The following SCLT1 variants were observed in gnomAD, a reference collection of about 807,000 sequenced individuals.
The protein encoded by SCLT1 is sodium channel-associated protein 1.
In SCLT1, 78 loss-of-function variants were observed where a neutral mutation model predicts 112.8. The ratio of observed to expected loss-of-function variants is 0.69; its 90% CI spans 0.58 to 0.83. The LOEUF is 0.83. Ranked by LOEUF, SCLT1 falls within the 40% of genes least tolerant of loss-of-function variation. The pLI is 0.00. For missense variants in SCLT1, 747 were observed against 770.4 expected, an observed-to-expected ratio of 0.97 and a Z score of 0.36; for synonymous variants, 257 against 254.7, an observed-to-expected ratio of 1.01 and a Z score of -0.09.
At chr4:128,956,486 T>C (rs902319720) in intron 13 of SCLT1, among the ~76,000 whole-genome samples, 7 of 152,048 alleles carry the variant, frequency 4.6e-5, no homozygotes, top group Non-Finnish European at 8.8e-5. Context: ...AATTTTATCT[T>C]GGGAAACTAT....
chr4:129,042,646 A>G (rs979679930), intron 4 of SCLT1, among the ~76,000 whole-genome samples: 3 of 152,156 alleles, frequency 2.0e-5, no homozygotes, highest in African/African-American at 7.2e-5. Flanking sequence ...AAAACTGAAG[A>G]GAATATTTTT....
chr4:129,080,084 C>A (rs1030697003), intron 2 of SCLT1, among the ~76,000 whole-genome samples: 3 of 152,230 alleles, frequency 2.0e-5, no homozygotes, highest in Non-Finnish European at 2.9e-5. Flanking sequence ...CCTGCCCCCA[C>A]AAAATCATTC....
At chr4:128,889,652 A>G (rs1326333963) in intron 19 of SCLT1, among the ~76,000 whole-genome samples, 2 of 152,254 alleles carry the variant, frequency 1.3e-5, no homozygotes, top group Non-Finnish European at 2.9e-5. Flanking sequence ...ATACTGTCAG[A>G]CAGACAAGTG....
intron 2 of SCLT1, among the ~76,000 whole-genome samples, chr4:129,050,267 G>C (rs1167935034): frequency 2.0e-5 from 3 of 152,096 alleles, no homozygotes; most frequent in East Asian, 3.9e-4. Flanking sequence ...TTGGATTGCT[G>C]GGTCAAATGG....
intron 5 of SCLT1, among the ~76,000 whole-genome samples, chr4:129,006,686 A>G (rs1744058570): frequency 1.3e-5 from 2 of 152,088 alleles, no homozygotes; most frequent in South Asian, 4.1e-4. Context: ...TACATAGTTT[A>G]ATTTTGTTTG....
intron 2 of SCLT1, among the ~76,000 whole-genome samples, chr4:129,048,941 A>C (rs1318808659): frequency 6.6e-5 from 10 of 152,022 alleles, no homozygotes; most frequent in South Asian, 2.1e-4. Context: ...TACCATCTCA[A>C]ACCAGTTAGA....
intron 18 of SCLT1, among the ~76,000 whole-genome samples, chr4:128,906,497 C>T (rs1050659111): frequency 3.3e-5 from 5 of 152,056 alleles, no homozygotes; most frequent in Middle Eastern, 3.4e-3. Context: ...TGCACCCGGC[C>T]GATTATATTT....
intron 2 of SCLT1, among the ~76,000 whole-genome samples, chr4:129,081,389 G>A (rs1751923870): frequency 6.6e-6 from 1 of 152,194 alleles, no homozygotes; most frequent in Non-Finnish European, 1.5e-5. Context: ...CTGTCTCTTT[G>A]TAACTCCTTT....
At chr4:128,897,687 G>A (rs1336029317) in intron 18 of SCLT1, among the ~76,000 whole-genome samples, 6 of 152,188 alleles carry the variant, frequency 3.9e-5, no homozygotes, top group African/African-American at 1.4e-4. Flanking sequence ...AATCTTAAAT[G>A]TAAATGCGCT....
intron 17 of SCLT1, among the ~76,000 whole-genome samples, chr4:128,937,969 A>G (rs1417249448): frequency 6.6e-6 from 1 of 152,166 alleles, no homozygotes; most frequent in East Asian, 1.9e-4. Flanking sequence ...GAAAAAAGTT[A>G]CTGCAATATT....
intron 5 of SCLT1, among the ~76,000 whole-genome samples, chr4:129,028,301 A>G (rs1446365619): frequency 6.6e-6 from 1 of 151,102 alleles, no homozygotes; most frequent in Non-Finnish European, 1.5e-5. Flanking sequence ...AGTAACCAAA[A>G]CAGCATGGTA....
intron 1 of SCLT1, among the ~76,000 whole-genome samples, chr4:129,092,150 T>C (rs1199870731): frequency 2.0e-5 from 3 of 152,192 alleles, no homozygotes; most frequent in Non-Finnish European, 4.4e-5. Flanking sequence ...CACTCTCAAC[T>C]GAATTCCTAT....
chr4:129,009,933 A>G (rs533166855), intron 5 of SCLT1, among the ~76,000 whole-genome samples: 3 of 152,198 alleles, frequency 2.0e-5, no homozygotes, highest in Non-Finnish European at 4.4e-5. Context: ...TTTGCTGTGC[A>G]GGAGCTCTTT....
chr4:129,080,067 C>A (rs1233580710), intron 2 of SCLT1, among the ~76,000 whole-genome samples: 1 of 152,224 alleles, frequency 6.6e-6, no homozygotes, highest in Admixed American at 6.5e-5. Flanking sequence ...GGCAGTGGGG[C>A]CCTGGGCCTG....
chr4:128,941,999 A>C (rs1024892299), intron 17 of SCLT1, among the ~76,000 whole-genome samples: 1 of 152,068 alleles, frequency 6.6e-6, no homozygotes, highest in Non-Finnish European at 1.5e-5. Context: ...CCATTGATCA[A>C]GTTGATTATT....
chr4:129,031,096 T>C (rs1746678092), intron 5 of SCLT1, among the ~76,000 whole-genome samples: 1 of 151,784 alleles, frequency 6.6e-6, no homozygotes, highest in African/African-American at 2.4e-5. Flanking sequence ...CAGCAGCACA[T>C]CAAAAAGCTT....
intron 5 of SCLT1, among the ~76,000 whole-genome samples, chr4:129,026,717 A>G (rs1335322382): frequency 5.3e-5 from 8 of 152,202 alleles, no homozygotes; most frequent in Non-Finnish European, 8.8e-5. Flanking sequence ...GAACTGAAGG[A>G]AACAGAGACA....
At chr4:129,028,915 C>T (rs1329396430) in intron 5 of SCLT1, among the ~76,000 whole-genome samples, 5 of 151,974 alleles carry the variant, frequency 3.3e-5, no homozygotes, top group Non-Finnish European at 7.4e-5. Flanking sequence ...AGCCAAAAAG[C>T]ATGTGAAAAA....
intron 20 of SCLT1, among the ~76,000 whole-genome samples, chr4:128,887,646 G>A (rs1278492191): frequency 6.6e-6 from 1 of 151,950 alleles, no homozygotes; most frequent in Non-Finnish European, 1.5e-5. Context: ...GTCTCATTTT[G>A]TTCCTCATAT....
Sources: gnomAD v4.1 joint callset for allele counts (sites outside exome capture counted in the v4.1 genomes callset) on GRCh38, gnomAD v4.1.1 for gene constraint, MANE v1.5 for transcripts, NCBI Gene and HGNC (gene_info 2026-07-23, HGNC 2026-07-21) for gene names.